The following HDAC9 variants were observed in gnomAD, a reference collection of about 807,000 sequenced individuals.
HDAC9 encodes the protein histone deacetylase 9, also known as MEF-2 interacting transcription repressor (MITR) protein.
Under a neutral mutation model 139.4 loss-of-function variants are expected in HDAC9, and 41 were observed. The observed-to-expected ratio is 0.29, with a 90% confidence interval of 0.23 to 0.38. The LOEUF (loss-of-function observed/expected upper bound fraction) is 0.38. Among genes scored for constraint, HDAC9 ranks in the 10% least tolerant of loss-of-function variants. HDAC9 has a pLI of 1.00. For missense variants in HDAC9, 1,147 were observed against 1,297.0 expected (o/e 0.88, Z 1.78); for synonymous variants, 517 against 476.2 (o/e 1.09, Z -1.12).
chr7:18,387,753 C>T (rs542295178), intron 1 of HDAC9, among the ~76,000 whole-genome samples: 182 of 152,138 alleles, frequency 1.2e-3, no homozygotes, highest in Admixed American at 2.9e-3. Context: ...TAGGGATAAG[C>T]GAATAAAACA....
chr7:18,107,937 A>G (rs1783337744), intron 1 of HDAC9, among the ~76,000 whole-genome samples: 1 of 152,168 alleles, frequency 6.6e-6, no homozygotes, highest in Non-Finnish European at 1.5e-5. Flanking sequence ...TATATGTCTT[A>G]TTTGGGTTCT....
chr7:18,345,851 C>G (rs564559990), intron 1 of HDAC9, among the ~76,000 whole-genome samples: 9 of 151,942 alleles, frequency 5.9e-5, no homozygotes, highest in Admixed American at 2.0e-4. Flanking sequence ...ACTCCCCCTG[C>G]TGGCCTCTGG....
chr7:18,485,888 G>T (rs779990915), intron 1 of HDAC9, among the ~76,000 whole-genome samples: 1 of 152,056 alleles, frequency 6.6e-6, no homozygotes, highest in Non-Finnish European at 1.5e-5. Flanking sequence ...CATACAATAA[G>T]CCACATTATT....
chr7:18,732,698 C>A (rs200565954), intron 13 of HDAC9, among the ~76,000 whole-genome samples: 1 of 76,912 alleles, frequency 1.3e-5, no homozygotes, highest in Non-Finnish European at 2.5e-5. Flanking sequence ...CACACACACA[C>A]GTGTATGTGT....
intron 24 of HDAC9, among the ~76,000 whole-genome samples, chr7:18,956,738 A>G (rs1420016295): frequency 6.6e-6 from 1 of 152,068 alleles, no homozygotes; most frequent in African/African-American, 2.4e-5. Flanking sequence ...CTCCAACTCC[A>G]GGGGAGCTGT....
intron 21 of HDAC9, among the ~76,000 whole-genome samples, chr7:18,838,323 A>G (rs1330544616): frequency 1.3e-5 from 2 of 152,040 alleles, no homozygotes; most frequent in South Asian, 2.1e-4. Flanking sequence ...CTTGTCCTCA[A>G]TGGTTTCAGG....
At chr7:18,176,487 G>C (rs573937659) in intron 2 of HDAC9, among the ~76,000 whole-genome samples, 12 of 152,250 alleles carry the variant, frequency 7.9e-5, no homozygotes, top group African/African-American at 2.4e-4. Context: ...AGGGTATACT[G>C]TCTGTAAAAT....
intron 23 of HDAC9, 26 bp from the exon 24 acceptor site, chr7:18,954,120 C>T (rs760213266): frequency 5.4e-6 from 8 of 1,481,254 alleles, no homozygotes; most frequent in South Asian, 2.5e-5. Flanking sequence ...ATATTCTGCT[C>T]ATACTATTAT....
intron 2 of HDAC9, among the ~76,000 whole-genome samples, chr7:18,571,150 A>T (rs1319594630): frequency 6.6e-6 from 1 of 152,266 alleles, no homozygotes; most frequent in Non-Finnish European, 1.5e-5. Context: ...CATTACATGA[A>T]TTTTTAAAAT....
chr7:18,234,508 T>G (rs963657772), intron 2 of HDAC9, among the ~76,000 whole-genome samples: 5 of 152,206 alleles, frequency 3.3e-5, no homozygotes, highest in African/African-American at 1.2e-4. Flanking sequence ...CTAACCTTTA[T>G]TTAGCTGCTC....
At chr7:18,846,591 G>A (rs561950480) in intron 21 of HDAC9, among the ~76,000 whole-genome samples, 2 of 152,284 alleles carry the variant, frequency 1.3e-5, no homozygotes, top group African/African-American at 4.8e-5. Context: ...TCAGAAGTAC[G>A]AAGACTTATA....
intron 22 of HDAC9, among the ~76,000 whole-genome samples, chr7:18,888,751 A>T (rs1347863778): frequency 3.3e-5 from 5 of 152,208 alleles, no homozygotes; most frequent in African/African-American, 1.2e-4. Flanking sequence ...ATACATATTT[A>T]TTTTAATGAT....
At chr7:18,985,062 T>A (rs948830575) in intron 25 of HDAC9, among the ~76,000 whole-genome samples, 3 of 152,064 alleles carry the variant, frequency 2.0e-5, no homozygotes, top group African/African-American at 7.2e-5. Flanking sequence ...TTTTTTTTAA[T>A]TCTTTTTCTA....
chr7:18,750,938 T>C, intron 14 of HDAC9, among the ~76,000 whole-genome samples: 1 of 152,176 alleles, frequency 6.6e-6, no homozygotes, highest in East Asian at 1.9e-4. Flanking sequence ...TCCTAACTAC[T>C]TCAAATTGTC....
intron 2 of HDAC9, among the ~76,000 whole-genome samples, chr7:18,219,756 A>G (rs1216976961): frequency 6.6e-6 from 1 of 152,232 alleles, no homozygotes; most frequent in Admixed American, 6.5e-5. Context: ...GGATTTCCAA[A>G]AAACTTTATT....
At chr7:18,137,208 A>C (rs765458647) in intron 1 of HDAC9, among the ~76,000 whole-genome samples, 117 of 116,120 alleles carry the variant, frequency 1.0e-3, no homozygotes, top group Non-Finnish European at 1.7e-3. Context: ...TTTTGGGCTG[A>C]GACAATGGGG....
chr7:18,287,641 C>T (rs1405093746), upstream of HDAC9, among the ~76,000 whole-genome samples: 1 of 152,226 alleles, frequency 6.6e-6, no homozygotes, highest in Non-Finnish European at 1.5e-5. Flanking sequence ...TGGCCTTAGC[C>T]AGCCAGAGCA....
intron 6 of HDAC9, among the ~76,000 whole-genome samples, chr7:18,614,153 A>G (rs801517): frequency 6.6e-6 from 1 of 151,638 alleles, no homozygotes; most frequent in African/African-American, 2.4e-5. Flanking sequence ...GACTGCCTTC[A>G]TTTTTTTTCC....
intron 1 of HDAC9, among the ~76,000 whole-genome samples, chr7:18,338,355 A>G (rs1015631482): frequency 2.0e-5 from 3 of 151,676 alleles, no homozygotes; most frequent in Admixed American, 6.6e-5. Flanking sequence ...TATAATCTCT[A>G]TTGAGGCACA....
Sources: allele counts gnomAD v4.1 joint callset (sites outside exome capture counted in the v4.1 genomes callset), GRCh38; gene constraint gnomAD v4.1.1; transcripts MANE v1.5; gene names NCBI Gene and HGNC (gene_info 2026-07-23, HGNC 2026-07-21).